The following MACROD2 variants were observed in gnomAD, a reference collection of about 807,000 sequenced individuals.
MACROD2 encodes the protein ADP-ribose glycohydrolase MACROD2.
MACROD2 carries 36 observed loss-of-function variants against 70.4 expected under a neutral mutation model. The ratio of observed to expected loss-of-function variants is 0.51; its 90% CI spans 0.39 to 0.68. The LOEUF is 0.68. Among genes scored for constraint, MACROD2 ranks in the 30% least tolerant of loss-of-function variants. MACROD2 has a pLI of 0.00. For synonymous variants in MACROD2, 172 were observed against 178.8 expected (o/e 0.96, Z 0.30); for missense variants, 496 against 538.4 (o/e 0.92, Z 0.78).
chr20:14,069,012 G>A (rs1251546367), intron 2 of MACROD2, among the ~76,000 whole-genome samples: 1 of 152,136 alleles, frequency 6.6e-6, no homozygotes, highest in African/African-American at 2.4e-5. Flanking sequence ...ACAGTGGCGT[G>A]ATCTTGGCTC....
At chr20:14,728,779 A>G (rs569576634) in intron 5 of MACROD2, among the ~76,000 whole-genome samples, 23 of 152,322 alleles carry the variant, frequency 1.5e-4, no homozygotes, top group Non-Finnish European at 1.3e-4. Flanking sequence ...ATTAGTTGAT[A>G]AATTATTATA....
intron 5 of MACROD2, among the ~76,000 whole-genome samples, chr20:14,820,801 G>A (rs1006210344): frequency 2.0e-5 from 3 of 151,884 alleles, no homozygotes; most frequent in Non-Finnish European, 4.4e-5. Flanking sequence ...TTCGTTGTGC[G>A]CTGCTGTGTT....
intron 5 of MACROD2, among the ~76,000 whole-genome samples, chr20:14,863,651 A>G (rs1363605189): frequency 6.6e-6 from 1 of 151,998 alleles, no homozygotes; most frequent in Non-Finnish European, 1.5e-5. Flanking sequence ...AATATATATA[A>G]CATTAATATC....
In MACROD2 at chr20:14,077,887, G is replaced by A. The variant is rs533450922; in HGVS notation, c.164-7734G>A. Among the ~76,000 whole-genome samples the A allele has an allele frequency of 7.2e-4, 100 of 139,778 alleles. 1 individual carries two copies. The highest frequency in any genetic ancestry group is 1.9e-3 in the African/African-American group (74 of 38,226). The allele number at this position is 139,778 out of a possible 152,430, so 91.7% of individuals were successfully genotyped here. A position where few individuals can be genotyped will look rare whatever the true frequency, so the allele number is the denominator to read the frequency against. On this transcript the variant is annotated intron_variant, in intron 2 of 17. Transcript: ENST00000684519. ...CTGTTCTTAGTAAGAGACTGTGAAAGGTTTTTCTTTTTTTTTTTTTTTTTT... is the reference window on the plus strand; with the variant it reads ...CTGTTCTTAGTAAGAGACTGTGAAAAGTTTTTCTTTTTTTTTTTTTTTTTT...
chr20:14,286,612 A>AT (rs1221389309), intron 3 of MACROD2, among the ~76,000 whole-genome samples: 1 of 151,978 alleles, frequency 6.6e-6, no homozygotes, highest in Non-Finnish European at 1.5e-5. Flanking sequence ...CATAGAGTAG[A>AT]TTTTGTTTTT....
intron 4 of MACROD2, among the ~76,000 whole-genome samples, chr20:14,662,742 C>A (rs1348555125): frequency 6.6e-6 from 1 of 151,482 alleles, no homozygotes; most frequent in African/African-American, 2.4e-5. Context: ...AAAAGCTCAA[C>A]AATACTGATC....
chr20:14,669,211 C>A (rs1351520686), intron 4 of MACROD2, among the ~76,000 whole-genome samples: 1 of 152,124 alleles, frequency 6.6e-6, no homozygotes, highest in Non-Finnish European at 1.5e-5. Context: ...TTTGCCATCT[C>A]CTCTCCAGAG....
chr20:15,086,425 C>G (rs2075749179), intron 5 of MACROD2, among the ~76,000 whole-genome samples: 2 of 152,134 alleles, frequency 1.3e-5, no homozygotes, highest in African/African-American at 2.4e-5. Flanking sequence ...ATATCAGAAT[C>G]AACTAAGGGT....
rs181137646 is a variant in MACROD2, at chr20:14,506,550, G to A, written c.301+13042G>A. ...AATAAAAAAAAATCCAGGCAAAGATGTCAGAGACTGCTGATCATGAAGGAG... is the reference window on the plus strand; with the variant it reads ...AATAAAAAAAAATCCAGGCAAAGATATCAGAGACTGCTGATCATGAAGGAG... On this transcript the variant is annotated intron_variant, in intron 4 of 17. Transcript: ENST00000684519. Among the ~76,000 whole-genome samples, 584 of 152,276 alleles carry A rather than the reference G, an allele frequency of 3.8e-3. 2 individuals carry two copies. The highest frequency in any genetic ancestry group is 0.017 in the Middle Eastern group (5 of 294).
intron 7 of MACROD2, among the ~76,000 whole-genome samples, chr20:15,445,666 G>A (rs1382370867): frequency 6.6e-6 from 1 of 152,044 alleles, no homozygotes; most frequent in Non-Finnish European, 1.5e-5. Context: ...GCGTTTCGTT[G>A]GCCCAAAATA....
chr20:14,745,843 A>G (rs991399649), intron 5 of MACROD2, among the ~76,000 whole-genome samples: 6 of 152,164 alleles, frequency 3.9e-5, no homozygotes, highest in African/African-American at 1.4e-4. Flanking sequence ...TGTAGAAAAG[A>G]AACTAAAGAT....
At position 13,995,542 on chromosome 20, in the gene MACROD2, G is replaced by A. The variant is rs545903253; in HGVS notation, c.-222G>A. ...ACAGGCTCTGAGGTGCTGCTGTGGC[G>A]GCGTCCGCGGGGCTGAGGCGGGTGG... On this transcript the variant is annotated 5_prime_UTR_variant, in exon 1 of 18. Transcript: ENST00000684519. The surrounding 1 kb of genome is among the most constrained non-coding windows in gnomAD (Gnocchi z 4.3). The A allele has an allele frequency of 4.1e-5, 26 of 631,292 alleles. No homozygotes were observed. Among genetic ancestry groups the A allele is most frequent in the African/African-American group, 2.9e-4 (16 of 55,014 alleles). 39.1% of individuals were successfully genotyped at this position (631,292 alleles called of 1,614,324 possible). A position where few individuals can be genotyped will look rare whatever the true frequency, so the allele number is the denominator to read the frequency against.
intron 3 of MACROD2, among the ~76,000 whole-genome samples, chr20:14,250,234 C>T (rs796458882): frequency 2.0e-5 from 3 of 152,002 alleles, no homozygotes; most frequent in African/African-American, 4.8e-5. Context: ...ATGTACTGTC[C>T]CACCTTTCTG....
At chr20:15,295,732 G>A (rs1398161292) in intron 6 of MACROD2, among the ~76,000 whole-genome samples, 1 of 151,966 alleles carries the variant, frequency 6.6e-6, no homozygotes. Context: ...AGACATAATT[G>A]TGGAGTCCTA....
intron 6 of MACROD2, among the ~76,000 whole-genome samples, chr20:15,374,258 A>G (rs541111598): frequency 6.6e-6 from 1 of 151,976 alleles, no homozygotes; most frequent in South Asian, 2.1e-4. Context: ...TGATTATAAT[A>G]CAATCCCTTA....
At position 15,220,890 on chromosome 20, in the gene MACROD2, T is replaced by C. The variant is rs1004752061; in HGVS notation, c.419-9050T>C. On this transcript the variant is annotated intron_variant, in intron 5 of 17. Coordinates refer to ENST00000684519, the MANE Select transcript of MACROD2 (RefSeq NM_001351661.2). ...GCACATAGTGGGTTCTCACTAAATA[T>C]GTATTATATAAAGGACAGAATTAAT... Among the ~76,000 whole-genome samples, 3 of 152,160 alleles carry C rather than the reference T, an allele frequency of 2.0e-5. No homozygotes were observed. In the East Asian group the frequency reaches 5.8e-4, roughly 29 times the overall value.
chr20:14,102,729 G>T (rs376039786), intron 3 of MACROD2, among the ~76,000 whole-genome samples: 5 of 152,170 alleles, frequency 3.3e-5, no homozygotes, highest in African/African-American at 1.2e-4. Context: ...GTAGGTGATG[G>T]ATGGGAATAT....
chr20:14,408,534 C>T (rs1185888355), intron 3 of MACROD2, among the ~76,000 whole-genome samples: 1 of 152,070 alleles, frequency 6.6e-6, no homozygotes, highest in Admixed American at 6.6e-5. Flanking sequence ...TTTAAATTTT[C>T]AGCGAACATG....
intron 8 of MACROD2, among the ~76,000 whole-genome samples, chr20:15,643,125 C>T (rs2049487957): frequency 6.6e-6 from 1 of 152,152 alleles, no homozygotes; most frequent in Non-Finnish European, 1.5e-5. Context: ...TTATACAGAT[C>T]CTACTTCCAT....
Sources: allele counts gnomAD v4.1 joint callset (sites outside exome capture counted in the v4.1 genomes callset), GRCh38; gene constraint gnomAD v4.1.1; non-coding constraint Gnocchi (gnomAD v3.1); transcripts MANE v1.5; gene names NCBI Gene and HGNC (gene_info 2026-07-23, HGNC 2026-07-21).